The following ZHX2 variants were observed in gnomAD, a reference collection of about 807,000 sequenced individuals.
ZHX2 encodes zinc fingers and homeoboxes 2.
Under a neutral mutation model 21.9 loss-of-function variants are expected in ZHX2, and 6 were observed. The ratio of observed to expected loss-of-function variants is 0.27; its 90% confidence interval spans 0.15 to 0.54. The LOEUF is 0.54. Among genes scored for constraint, ZHX2 ranks in the 20% least tolerant of loss-of-function variants. ZHX2 has a pLI of 0.95. For synonymous variants in ZHX2, 434 were observed against 437.1 expected, an observed-to-expected ratio of 0.99 and a Z score of 0.09; for missense variants, 908 against 1,090.7, an observed-to-expected ratio of 0.83 and a Z score of 2.36.
intron 2 of ZHX2, among the ~76,000 whole-genome samples, chr8:122,866,202 T>C (rs577829929): frequency 6.6e-6 from 1 of 152,320 alleles, no homozygotes; most frequent in South Asian, 2.1e-4. Context: ...GCTTAGGTAG[T>C]GTGGTCTCAA....
chr8:122,852,899 G>A (rs985156536), intron 1 of ZHX2, among the ~76,000 whole-genome samples: 3 of 152,056 alleles, frequency 2.0e-5, no homozygotes, highest in Non-Finnish European at 2.9e-5. Flanking sequence ...CACTCTGTGT[G>A]GGCAAAGGAA....
chr8:122,873,800 T>A (rs1430757839), intron 2 of ZHX2, among the ~76,000 whole-genome samples: 1 of 152,146 alleles, frequency 6.6e-6, no homozygotes, highest in East Asian at 1.9e-4. Context: ...GGAGAATCCA[T>A]CTTCTTGCTT....
At position 122,962,352 on chromosome 8, in the gene ZHX2, A is replaced by G. The variant is rs574649064; in HGVS notation, c.*4+8324A>G. The stretch of plus-strand genomic sequence containing the variant: ...TTTGCTTCCTCATAGCTTAGCTCCC[A>G]CTTGTGAGTGAGAACATATGATGTT... On this transcript the variant is annotated intron_variant, in intron 3 of 3. Coordinates refer to ENST00000314393, the MANE Select transcript of ZHX2 (RefSeq NM_014943.5). Among the ~76,000 whole-genome samples the G allele has an allele frequency of 2.5e-3, 378 of 152,186 alleles. 2 individuals are homozygous for G. The highest frequency in any genetic ancestry group is 8.1e-3 in the African/African-American group (338 of 41,526).
At chr8:122,898,274 T>C (rs1820144981) in intron 2 of ZHX2, among the ~76,000 whole-genome samples, 1 of 152,046 alleles carries the variant, frequency 6.6e-6, no homozygotes. Context: ...CGGAAAGAAA[T>C]TGGGGATGAG....
intron 1 of ZHX2, among the ~76,000 whole-genome samples, chr8:122,817,896 A>C (rs772401902): frequency 1.3e-5 from 2 of 152,160 alleles, no homozygotes; most frequent in African/African-American, 4.8e-5. Context: ...GATCAGGCCA[A>C]AGCTGTCTAT....
chr8:122,956,994 A>T (rs977685172), intron 3 of ZHX2, among the ~76,000 whole-genome samples: 3 of 152,228 alleles, frequency 2.0e-5, no homozygotes. Flanking sequence ...TGTTAAAACC[A>T]TACAGAAAAC....
chr8:122,967,293 T>C (rs544606200), intron 3 of ZHX2, among the ~76,000 whole-genome samples: 2 of 152,356 alleles, frequency 1.3e-5, no homozygotes, highest in Admixed American at 1.3e-4. Flanking sequence ...AGTGGAAACA[T>C]CTGGAACTCA....
intron 1 of ZHX2, among the ~76,000 whole-genome samples, chr8:122,833,578 A>T (rs997174384): frequency 5.3e-5 from 8 of 152,074 alleles, no homozygotes; most frequent in African/African-American, 1.7e-4. Context: ...AGAAAGTTAG[A>T]TGGCCCAGAG....
At chr8:122,942,745 G>T (rs1019490234) in intron 2 of ZHX2, among the ~76,000 whole-genome samples, 2 of 152,232 alleles carry the variant, frequency 1.3e-5, no homozygotes, top group Non-Finnish European at 2.9e-5. Flanking sequence ...GTTTCCAGGG[G>T]CTGCTCTGGC....
At chr8:122,799,934 G>A (rs1429399841) in intron 1 of ZHX2, among the ~76,000 whole-genome samples, 1 of 152,060 alleles carries the variant, frequency 6.6e-6, no homozygotes, top group Non-Finnish European at 1.5e-5. Flanking sequence ...TGTGACCTTA[G>A]CTCACTGCAA....
chr8:122,861,857 C>T (rs17360881), intron 1 of ZHX2, among the ~76,000 whole-genome samples: 4,754 of 152,268 alleles, frequency 0.031, 121 homozygotes, highest in Non-Finnish European at 0.045. Flanking sequence ...GAGTATTGTT[C>T]TTCTCGCAGG....
At chr8:122,948,692 G>A (rs1466040851) in intron 2 of ZHX2, among the ~76,000 whole-genome samples, 3 of 152,196 alleles carry the variant, frequency 2.0e-5, no homozygotes, top group Non-Finnish European at 4.4e-5. Flanking sequence ...TATAAAGTTT[G>A]TGTATGATAA....
chr8:122,951,459 G>T lies in ZHX2; in HGVS notation c.-52G>T. 1.3e-6 allele frequency: 2 copies of T among 1,492,056 alleles called. No homozygotes were observed. Among genetic ancestry groups the T allele is most frequent in the Non-Finnish European group, 1.8e-6 (2 of 1,096,606 alleles). The allele number at this position is 1,492,056 out of a possible 1,614,324, so 92.4% of individuals were successfully genotyped here. A position where few individuals can be genotyped will look rare whatever the true frequency, so the allele number is the denominator to read the frequency against. On this transcript the variant is annotated 5_prime_UTR_variant, in exon 3 of 4. Coordinates refer to ENST00000314393, the MANE Select transcript of ZHX2 (RefSeq NM_014943.5). ...CCTTATTCGTTCCAAGAATCTCACC[G>T]CCCCCTCCTTATCCCCCTCCAAAAA... is the stretch of plus-strand genomic sequence containing the variant.
chr8:122,900,179 T>C (rs1201152185), intron 2 of ZHX2, among the ~76,000 whole-genome samples: 2 of 152,166 alleles, frequency 1.3e-5, no homozygotes, highest in African/African-American at 2.4e-5. Context: ...GGTTAGGTAA[T>C]TTATAAAGAA....
chr8:122,956,701 G>GT (rs749016835), intron 3 of ZHX2, among the ~76,000 whole-genome samples: 51 of 152,322 alleles, frequency 3.3e-4, no homozygotes, highest in Non-Finnish European at 2.2e-4. Flanking sequence ...AAACTCAATG[G>GT]TTTTCCATAA....
chr8:122,919,678 C>CA (rs1820690120), intron 2 of ZHX2, among the ~76,000 whole-genome samples: 1 of 152,184 alleles, frequency 6.6e-6, no homozygotes, highest in Non-Finnish European at 1.5e-5. Context: ...TGACAACCGT[C>CA]AGAGGTGAAT....
intron 2 of ZHX2, among the ~76,000 whole-genome samples, chr8:122,946,473 A>G (rs1023178906): frequency 1.3e-5 from 2 of 151,832 alleles, no homozygotes; most frequent in African/African-American, 4.8e-5. Flanking sequence ...TGGTTGCTGA[A>G]TGAGTTTTAG....
intron 2 of ZHX2, among the ~76,000 whole-genome samples, chr8:122,920,128 G>A (rs773818259): frequency 1.6e-4 from 24 of 152,094 alleles, no homozygotes; most frequent in Non-Finnish European, 2.5e-4. Flanking sequence ...ACAAAAATTA[G>A]CCAGGTGTGG....
intron 1 of ZHX2, among the ~76,000 whole-genome samples, chr8:122,820,439 G>A (rs984469694): frequency 1.3e-5 from 2 of 152,186 alleles, no homozygotes; most frequent in African/African-American, 4.8e-5. Context: ...GAGGGTGAAC[G>A]CCGCCGAATT....
Sources: gnomAD v4.1 joint callset for allele counts (sites outside exome capture counted in the v4.1 genomes callset) on GRCh38, gnomAD v4.1.1 for gene constraint, MANE v1.5 for transcripts, NCBI Gene and HGNC (gene_info 2026-07-23, HGNC 2026-07-21) for gene names.